ADCY9: variants seen among roughly 807,000 people sequenced by gnomAD.
The protein encoded by ADCY9 is adenylate cyclase 9, also known as adenylate cyclase type 9.
ADCY9 carries 50 observed loss-of-function variants against 101.5 expected under a neutral mutation model. That is an observed-to-expected ratio of 0.49 (90% CI 0.39 to 0.62). The LOEUF is 0.62. Ranked by LOEUF, ADCY9 falls within the 20% of genes least tolerant of loss-of-function variation. ADCY9 has a pLI of 0.00. For synonymous variants in ADCY9, 905 were observed against 769.3 expected (o/e 1.18, Z -2.92); for missense variants, 1,662 against 1,800.4 (o/e 0.92, Z 1.39).
At chr16:4,077,021 G>C (rs2056871623) in intron 2 of ADCY9, among the ~76,000 whole-genome samples, 1 of 150,422 alleles carries the variant, frequency 6.6e-6, no homozygotes, top group Non-Finnish European at 1.5e-5. Flanking sequence ...ACGTTGCAGT[G>C]AGCCGAGATC....
chr16:3,997,061 C>A (rs1393858914), intron 3 of ADCY9, among the ~76,000 whole-genome samples: 1 of 152,100 alleles, frequency 6.6e-6, no homozygotes, highest in Admixed American at 6.6e-5. Flanking sequence ...GATGGGGTTT[C>A]ACCACGTTGG....
chr16:4,001,491 T>C (rs2056330341), intron 3 of ADCY9, among the ~76,000 whole-genome samples: 1 of 152,124 alleles, frequency 6.6e-6, no homozygotes, highest in Admixed American at 6.6e-5. Context: ...CCTGGATCAT[T>C]TGGTGAAGGT....
chr16:4,023,426 CA>C (rs1247675576), intron 2 of ADCY9, among the ~76,000 whole-genome samples: 11 of 152,122 alleles, frequency 7.2e-5, no homozygotes, highest in Non-Finnish European at 1.5e-4. Flanking sequence ...GGAGATATCA[CA>C]GTGAGATGGA....
chr16:4,049,196 C>A (rs1433330072), intron 2 of ADCY9, among the ~76,000 whole-genome samples: 1 of 152,206 alleles, frequency 6.6e-6, no homozygotes, highest in Non-Finnish European at 1.5e-5. Context: ...GAGTCTGCTC[C>A]AAACGGCCAC....
At chr16:4,090,593 G>T (rs920441895) in intron 2 of ADCY9, among the ~76,000 whole-genome samples, 1 of 152,122 alleles carries the variant, frequency 6.6e-6, no homozygotes, top group South Asian at 2.1e-4. Flanking sequence ...GGCTGGGCAC[G>T]AGACGCTCAG....
At chr16:3,984,947 G>C (rs1310723881) in intron 6 of ADCY9, among the ~76,000 whole-genome samples, 1 of 152,052 alleles carries the variant, frequency 6.6e-6, no homozygotes, top group Non-Finnish European at 1.5e-5. Context: ...TGGACGGTGG[G>C]AGCAAGGCTG....
At position 3,979,222 on chromosome 16, in the gene ADCY9, C is replaced by G; in HGVS notation, c.2573G>C (p.Trp858Ser). Residue 858 changes from tryptophan (W) to serine (S), a missense_variant, in exon 8 of 11, where the codon TGG becomes TCG. Physicochemically the swap from Trp to Ser is radical, Grantham distance 177 (BLOSUM62 -3). This residue lies in a region of ADCY9 where 624 missense variants were observed against 639.1 expected (regional missense o/e 0.98). Transcript: ENST00000294016. ...VMACTKRLLE[W>S]IAGWLPRHCI... ...GTGACGTGGTAGCCAGCCGGCGATC[C>G]ACTCCAGCAGGCGCTTGGTGCAGGC... 6.2e-7 allele frequency: 1 copy of G among 1,614,092 alleles called. No homozygotes were observed.
At chr16:4,017,537 G>C (rs1468832148) in intron 2 of ADCY9, among the ~76,000 whole-genome samples, 1 of 151,478 alleles carries the variant, frequency 6.6e-6, no homozygotes, top group Non-Finnish European at 1.5e-5. Flanking sequence ...CCAGCTACTT[G>C]GGAGGCTGAG....
intron 9 of ADCY9, among the ~76,000 whole-genome samples, chr16:3,974,940 A>G (rs930646810): frequency 2.0e-5 from 3 of 152,038 alleles, no homozygotes; most frequent in Non-Finnish European, 2.9e-5. Flanking sequence ...CATCCTCTCT[A>G]TCCTGCTGAG....
intron 2 of ADCY9, among the ~76,000 whole-genome samples, chr16:4,109,851 G>A (rs528694784): frequency 6.6e-6 from 1 of 152,240 alleles, no homozygotes; most frequent in African/African-American, 2.4e-5. Context: ...CTGCAAGTCA[G>A]ATCACCTAAG....
At position 3,977,611 on chromosome 16, in the gene ADCY9, G is replaced by C; in HGVS notation, c.2699C>G (p.Ser900Trp). The C allele has an allele frequency of 1.2e-6, 2 of 1,612,932 alleles. No homozygotes were observed. The highest frequency in any genetic ancestry group is 2.2e-5 in the South Asian group (2 of 90,936). The change falls in exon 9 of 11, where the codon TCG becomes TGG. Residue 900 changes from serine (S) to tryptophan (W), a missense_variant. Transcript: ENST00000294016. ...GTGCACGACGGCAATCAGCGCGGCC[G>C]AGCCTGTGAACACTGGGAACTGCAA... ...TNIHFPVFTG[S>W]AALIAVVHYC... is the part of the protein sequence containing the mutation.
intron 6 of ADCY9, among the ~76,000 whole-genome samples, chr16:3,986,163 G>A (rs538854198): frequency 2.6e-5 from 4 of 152,372 alleles, no homozygotes; most frequent in South Asian, 2.1e-4. Flanking sequence ...ATACCCACGC[G>A]TCCATGCCTC....
intron 2 of ADCY9, among the ~76,000 whole-genome samples, chr16:4,039,669 A>C (rs1404106040): frequency 1.4e-5 from 2 of 145,492 alleles, no homozygotes; most frequent in Non-Finnish European, 3.0e-5. Flanking sequence ...ACAAGAGTGA[A>C]ACTCTGTCTC....
At chr16:4,105,922 T>C (rs1447561935) in intron 2 of ADCY9, among the ~76,000 whole-genome samples, 1 of 152,178 alleles carries the variant, frequency 6.6e-6, no homozygotes, top group Non-Finnish European at 1.5e-5. Flanking sequence ...TAGGTGCAGC[T>C]ATCCCTGACT....
intron 2 of ADCY9, among the ~76,000 whole-genome samples, chr16:4,062,990 C>T (rs1443661932): frequency 6.6e-6 from 1 of 152,144 alleles, no homozygotes; most frequent in Non-Finnish European, 1.5e-5. Flanking sequence ...CATTGTCAAC[C>T]AACCTGACGT....
rs1252174497 is a variant in ADCY9, at chr16:3,966,417, C to T, written c.3420G>A (p.Glu1140=). The change falls in exon 11 of 11, where the codon GAG becomes GAA. Residue 1140 remains glutamate (E), a synonymous_variant. Coordinates refer to ENST00000294016, the MANE Select transcript of ADCY9 (RefSeq NM_001116.4). The part of the protein sequence containing the change: ...HPQEHLQILF[E]FAKEMMRVVD... Reference sequence around the variant, plus strand: ...CCACGCGCATCATCTCCTTGGCGAACTCGAACAGGATCTGCAGGTGCTCCT... The same window carrying T: ...CCACGCGCATCATCTCCTTGGCGAATTCGAACAGGATCTGCAGGTGCTCCT... 1 of 1,614,160 alleles carries T rather than the reference C, an allele frequency of 6.2e-7. No individual in the cohort carries two copies. The highest frequency in any genetic ancestry group is 1.1e-5 in the South Asian group (1 of 91,088).
intron 5 of ADCY9, among the ~76,000 whole-genome samples, chr16:3,957,211 T>G (rs2055912348): frequency 6.6e-6 from 1 of 152,190 alleles, no homozygotes; most frequent in Non-Finnish European, 1.5e-5. Flanking sequence ...CTGTGGCCAA[T>G]GATGCCCAGT....
chr16:4,040,251 G>A (rs910068876), intron 2 of ADCY9, among the ~76,000 whole-genome samples: 1 of 152,160 alleles, frequency 6.6e-6, no homozygotes, highest in African/African-American at 2.4e-5. Context: ...CAGGTGTAGG[G>A]ACATTACACT....
At chr16:4,086,455 C>T (rs1056700855) in intron 2 of ADCY9, among the ~76,000 whole-genome samples, 4 of 152,036 alleles carry the variant, frequency 2.6e-5, no homozygotes, top group East Asian at 1.9e-4. Flanking sequence ...TGATGACACG[C>T]GCAGCTGGCA....
Sources: allele counts gnomAD v4.1 joint callset (sites outside exome capture counted in the v4.1 genomes callset), GRCh38; gene constraint gnomAD v4.1.1; regional missense constraint gnomAD v4.1.1; transcripts MANE v1.5; gene names NCBI Gene and HGNC (gene_info 2026-07-23, HGNC 2026-07-21).